The following SLC24A2 variants were observed in gnomAD, a reference collection of about 807,000 sequenced individuals.
The protein encoded by SLC24A2 is sodium/potassium/calcium exchanger 2.
Under a neutral mutation model 62.0 loss-of-function variants are expected in SLC24A2, and 36 were observed. That is an observed-to-expected ratio of 0.58 (90% CI 0.44 to 0.77). The LOEUF is 0.77. Ranked by LOEUF, SLC24A2 falls within the 30% of genes least tolerant of loss-of-function variation. The pLI is 0.00. For synonymous variants in SLC24A2, 358 were observed against 294.0 expected (o/e 1.22, Z -2.23); for missense variants, 846 against 817.9 (o/e 1.03, Z -0.42).
At chr9:19,724,745 A>C (rs1821121685) in intron 2 of SLC24A2, among the ~76,000 whole-genome samples, 1 of 152,212 alleles carries the variant, frequency 6.6e-6, no homozygotes, top group South Asian at 2.1e-4. Context: ...AAAGGGAAAT[A>C]AAAAATATTT....
At chr9:20,270,137 G>A in the SLC24A2 span, among the ~76,000 whole-genome samples, 13 of 152,154 alleles carry the variant, frequency 8.5e-5, no homozygotes, top group East Asian at 3.9e-4. Flanking sequence ...GTCAGAGAGC[G>A]AGCTCATTCA....
At position 19,550,172 on chromosome 9, in the gene SLC24A2, G is replaced by C; in HGVS notation, c.1444C>G (p.Pro482Ala). 6.2e-7 allele frequency: 1 copy of C among 1,614,038 alleles called. No individual in the cohort carries two copies. The highest frequency in any genetic ancestry group is 1.1e-5 in the South Asian group (1 of 91,076). The change falls in exon 8 of 11, where the codon CCT (proline) becomes GCT (alanine). Residue 482 changes from proline (P) to alanine (A), a missense_variant. By Grantham distance (27) the Pro-to-Ala change is conservative. Transcript: ENST00000341998. ...TFLIVFPIVF[P>A]LWITLPDVRK... ...ACGTCAGGTAACGTAATCCAGAGAG[G>C]AAACACTATGGGGAAAACAATCAGA...
chr9:20,139,039 G>GA, the SLC24A2 span, among the ~76,000 whole-genome samples: 1 of 152,208 alleles, frequency 6.6e-6, no homozygotes, highest in East Asian at 1.9e-4. Context: ...TCTTTGGTCT[G>GA]AAACCAATTG....
chr9:20,002,426 G>A, the SLC24A2 span, among the ~76,000 whole-genome samples: 6 of 142,924 alleles, frequency 4.2e-5, no homozygotes, highest in African/African-American at 1.6e-4. Context: ...AAAGATAATA[G>A]CATAACACCA....
the SLC24A2 span, among the ~76,000 whole-genome samples, chr9:19,805,909 C>T: frequency 6.6e-6 from 1 of 150,814 alleles, no homozygotes; most frequent in Non-Finnish European, 1.5e-5. Context: ...GAGGCTTAAG[C>T]TTTATTATCT....
At chr9:20,187,836 T>G in the SLC24A2 span, among the ~76,000 whole-genome samples, 1 of 152,200 alleles carries the variant, frequency 6.6e-6, no homozygotes, top group Non-Finnish European at 1.5e-5. Context: ...CTCAAAGTGT[T>G]AGAAATGCAG....
At chr9:19,871,794 G>T in the SLC24A2 span, among the ~76,000 whole-genome samples, 1 of 152,122 alleles carries the variant, frequency 6.6e-6, no homozygotes, top group Admixed American at 6.5e-5. Flanking sequence ...AGGGGCAAGA[G>T]AATTTGGGAT....
chr9:19,533,453 T>C (rs113797816), intron 8 of SLC24A2, among the ~76,000 whole-genome samples: 2,322 of 152,334 alleles, frequency 0.015, 71 homozygotes, highest in African/African-American at 0.053. Flanking sequence ...GCTGGCCTTA[T>C]GACTTGCTTT....
chr9:20,163,429 G>T, the SLC24A2 span, among the ~76,000 whole-genome samples: 6 of 152,072 alleles, frequency 3.9e-5, no homozygotes, highest in African/African-American at 7.2e-5. Context: ...TACAAGGGAC[G>T]TGAAGGACCT....
chr9:19,828,650 A>G, the SLC24A2 span, among the ~76,000 whole-genome samples: 1 of 152,070 alleles, frequency 6.6e-6, no homozygotes, highest in Non-Finnish European at 1.5e-5. Context: ...ACCCCCAACG[A>G]CCTCGAGTTT....
intron 2 of SLC24A2, among the ~76,000 whole-genome samples, chr9:19,687,756 G>C (rs928351453): frequency 2.6e-5 from 4 of 152,030 alleles, no homozygotes; most frequent in African/African-American, 4.8e-5. Context: ...ACTTTCAGCT[G>C]TCTTGATTAG....
At chr9:19,682,951 A>C (rs1819764934) in intron 2 of SLC24A2, among the ~76,000 whole-genome samples, 1 of 152,114 alleles carries the variant, frequency 6.6e-6, no homozygotes, top group Admixed American at 6.6e-5. Flanking sequence ...AACAAAACAA[A>C]ACTGAAAGCA....
At chr9:19,829,115 C>G in the SLC24A2 span, among the ~76,000 whole-genome samples, 4 of 152,274 alleles carry the variant, frequency 2.6e-5, no homozygotes, top group South Asian at 8.3e-4. Context: ...TTATCAAATT[C>G]CCATCATGGA....
the SLC24A2 span, among the ~76,000 whole-genome samples, chr9:19,873,552 T>TTCTTTCTTTCTC: frequency 0.021 from 3,209 of 149,518 alleles, 117 homozygotes; most frequent in African/African-American, 0.074. Flanking sequence ...CTTTCTTTCT[T>TTCTTTCTTTCTC]TCTCTCTCTC....
At chr9:20,255,656 A>G in the SLC24A2 span, among the ~76,000 whole-genome samples, 1 of 152,138 alleles carries the variant, frequency 6.6e-6, no homozygotes, top group Non-Finnish European at 1.5e-5. Flanking sequence ...CAGTATGGAG[A>G]GTGGAAACTA....
At chr9:19,741,459 A>C (rs1821675193) in intron 2 of SLC24A2, among the ~76,000 whole-genome samples, 1 of 152,154 alleles carries the variant, frequency 6.6e-6, no homozygotes, top group South Asian at 2.1e-4. Flanking sequence ...TCCAACACTC[A>C]CATAACAGCC....
the SLC24A2 span, among the ~76,000 whole-genome samples, chr9:19,962,148 A>C: frequency 6.6e-6 from 1 of 152,136 alleles, no homozygotes; most frequent in Non-Finnish European, 1.5e-5. Context: ...TGGACTGCTC[A>C]TTATGTGTTG....
chr9:20,010,314 G>C, the SLC24A2 span, among the ~76,000 whole-genome samples: 117,644 of 152,030 alleles, frequency 0.77, 45,615 homozygotes, highest in Admixed American at 0.79. Flanking sequence ...AATAAGCAAG[G>C]ATCAGTGTAA....
the SLC24A2 span, among the ~76,000 whole-genome samples, chr9:20,254,604 C>T: frequency 6.6e-6 from 1 of 152,134 alleles, no homozygotes; most frequent in African/African-American, 2.4e-5. Context: ...AGGGTAACTG[C>T]ATTCATCTTT....
Sources: allele counts gnomAD v4.1 joint callset (sites outside exome capture counted in the v4.1 genomes callset), GRCh38; gene constraint gnomAD v4.1.1; transcripts MANE v1.5; gene names NCBI Gene and HGNC (gene_info 2026-07-23, HGNC 2026-07-21).